Variants in NFATC2 observed in about 807,000 individuals in gnomAD.
NFATC2 encodes nuclear factor of activated T-cells, cytoplasmic 2.
Under a neutral mutation model 87.3 loss-of-function variants are expected in NFATC2, and 22 were observed. The ratio of observed to expected loss-of-function variants is 0.25; its 90% CI spans 0.18 to 0.36. The LOEUF (loss-of-function observed/expected upper bound fraction) is 0.36, where lower values mean the gene tolerates loss of function less well. Among genes scored for constraint, NFATC2 ranks in the 10% least tolerant of loss-of-function variants. The pLI, the probability that NFATC2 is intolerant of heterozygous loss-of-function variation, is 1.00. For synonymous variants in NFATC2, 565 were observed against 542.2 expected, an observed-to-expected ratio of 1.04 and a Z score of -0.58; for missense variants, 1,149 against 1,259.1, an observed-to-expected ratio of 0.91 and a Z score of 1.32.
intron 3 of NFATC2, among the ~76,000 whole-genome samples, chr20:51,505,139 G>A (rs1028042513): frequency 1.6e-4 from 23 of 147,226 alleles, no homozygotes; most frequent in African/African-American, 5.2e-4. Context: ...TCAGCCTCCC[G>A]AGTAGCTGGG....
intron 9 of NFATC2, among the ~76,000 whole-genome samples, chr20:51,416,896 G>T (rs1380114084): frequency 6.6e-6 from 1 of 152,166 alleles, no homozygotes; most frequent in East Asian, 1.9e-4. Flanking sequence ...CTTTAGCGCT[G>T]GTTGAATGTG....
At chr20:51,484,360 C>G (rs762741219) in intron 3 of NFATC2, among the ~76,000 whole-genome samples, 71 of 152,164 alleles carry the variant, frequency 4.7e-4, no homozygotes, top group Admixed American at 1.0e-3. Flanking sequence ...CTCCACACAC[C>G]CTGCCTTAAG....
intron 6 of NFATC2, among the ~76,000 whole-genome samples, chr20:51,438,093 CA>C (rs1336886433): frequency 6.6e-6 from 1 of 152,186 alleles, no homozygotes; most frequent in Admixed American, 6.5e-5. Flanking sequence ...TGAGTCCTTT[CA>C]GTGTGCAAAG....
At chr20:51,487,810 G>GA (rs11303169) in intron 3 of NFATC2, among the ~76,000 whole-genome samples, 26 of 146,550 alleles carry the variant, frequency 1.8e-4, no homozygotes, top group Middle Eastern at 3.5e-3. Flanking sequence ...CCACAAGGGG[G>GA]AAAAAAAAAA....
upstream of NFATC2, among the ~76,000 whole-genome samples, chr20:51,545,231 T>C (rs2076879519): frequency 6.6e-6 from 1 of 152,198 alleles, no homozygotes; most frequent in Non-Finnish European, 1.5e-5. Context: ...CTCCATCCCA[T>C]AATTATTAAG....
Position 51,389,972 on chromosome 20 carries a change from C to G in NFATC2, c.*1524G>C, listed in dbSNP as rs569666941. 2 of 152,246 alleles carry G rather than the reference C, an allele frequency of 1.3e-5. No homozygotes were observed. Among genetic ancestry groups the G allele is most frequent in the East Asian group, 1.9e-4 (1 of 5,182 alleles). 9.4% of individuals were successfully genotyped at this position (152,246 alleles called of 1,614,324 possible). A position where few individuals can be genotyped will look rare whatever the true frequency, so the allele number is the denominator to read the frequency against. On this transcript the variant is annotated 3_prime_UTR_variant, in exon 11 of 11. Transcript: ENST00000371564. ...CAACTGAATGGCTGAAAAATGAATCCCCCGCTTGTCCTGGGGTATCTGCAG... is the reference window on the plus strand; with the variant it reads ...CAACTGAATGGCTGAAAAATGAATCGCCCGCTTGTCCTGGGGTATCTGCAG...
Position 51,523,737 on chromosome 20 carries a change from G to A in NFATC2, c.504C>T (p.Ser168=), listed in dbSNP as rs781454795. The change falls in exon 2 of 11, where the codon AGC becomes AGT. Residue 168 remains serine, a synonymous_variant. Coordinates refer to ENST00000371564, the MANE Select transcript of NFATC2 (RefSeq NM_012340.5). This position sits in a 1 kb window ranked among gnomAD's most constrained non-coding sequence, Gnocchi z 6.9. Reference sequence around the variant, plus strand: ...TGGCAGAGGAGCCGCTGCTAGCGGGGCTCAAGCAAAGCGGCTCGCGGTAGC... The same window carrying A: ...TGGCAGAGGAGCCGCTGCTAGCGGGACTCAAGCAAAGCGGCTCGCGGTAGC... ...FEGYREPLCL[S]PASSGSSASF... 21 of 1,611,738 alleles carry A rather than the reference G, an allele frequency of 1.3e-5. No individual in the cohort carries two copies. In the East Asian group the frequency reaches 4.2e-4, roughly 33 times the overall value.
chr20:51,475,508 G>A lies in NFATC2; in HGVS notation c.1485C>T (p.Asn495=). 1 of 1,614,078 alleles carries A rather than the reference G, an allele frequency of 6.2e-7. No individual in the cohort carries two copies. Among genetic ancestry groups the A allele is most frequent in the Non-Finnish European group, 8.5e-7 (1 of 1,180,036 alleles). Reference sequence around the variant, plus strand: ...CCAAGGGTATCTCCAGGACTTTGGTGTTGCCCACTATCTTCTCATAGCTGG... The same window carrying A: ...CCAAGGGTATCTCCAGGACTTTGGTATTGCCCACTATCTTCTCATAGCTGG... ...TTTSYEKIVG[N]TKVLEIPLEP... Residue 495 remains asparagine (N), a synonymous_variant, in exon 4 of 11, where the codon AAC becomes AAT. Transcript: ENST00000371564.
intron 3 of NFATC2, among the ~76,000 whole-genome samples, chr20:51,502,269 T>C (rs1449731710): frequency 6.6e-6 from 1 of 152,196 alleles, no homozygotes; most frequent in Non-Finnish European, 1.5e-5. Flanking sequence ...TATTGCTGCA[T>C]TTTGACCATG....
intron 9 of NFATC2, among the ~76,000 whole-genome samples, chr20:51,406,570 C>T (rs1392258124): frequency 6.6e-6 from 1 of 152,218 alleles, no homozygotes; most frequent in East Asian, 1.9e-4. Flanking sequence ...AGAGGAATGA[C>T]TGGAGGCGCC....
At chr20:51,411,839 T>A (rs549640005) in intron 9 of NFATC2, among the ~76,000 whole-genome samples, 1 of 152,180 alleles carries the variant, frequency 6.6e-6, no homozygotes, top group Admixed American at 6.5e-5. Context: ...GAAGCAATGC[T>A]CTTTGACTTG....
intron 9 of NFATC2, 156 bp from the exon 10 acceptor site, chr20:51,398,886 T>C: frequency 1.6e-6 from 1 of 618,028 alleles, no homozygotes; most frequent in East Asian, 2.8e-5. Context: ...ATCTTAGCAT[T>C]TGTGCCAGAA....
chr20:51,389,595 G>A lies in NFATC2; in HGVS notation c.*1901C>T, dbSNP rs1231778929. The A allele has an allele frequency of 6.6e-6, 1 of 152,160 alleles. No homozygotes were observed. The highest frequency in any genetic ancestry group is 2.4e-5 in the African/African-American group (1 of 41,432). The allele number at this position is 152,160 out of a possible 1,614,324, so 9.4% of individuals were successfully genotyped here. A position where few individuals can be genotyped will look rare whatever the true frequency, so the allele number is the denominator to read the frequency against. The stretch of plus-strand genomic sequence containing the variant: ...TTCTGTTTATTTAAAAGAGAATTTT[G>A]CTAAACTCTTTGAGCTTAGGGTGGG... On this transcript the variant is annotated 3_prime_UTR_variant, in exon 11 of 11. Transcript: ENST00000371564.
intron 3 of NFATC2, among the ~76,000 whole-genome samples, chr20:51,476,024 G>A (rs1988677642): frequency 6.6e-6 from 1 of 151,342 alleles, no homozygotes; most frequent in East Asian, 1.9e-4. Context: ...GACAAACATA[G>A]AGCTCTTGAT....
At chr20:51,438,438 G>A (rs1045528099) in intron 6 of NFATC2, among the ~76,000 whole-genome samples, 36 of 75,154 alleles carry the variant, frequency 4.8e-4, no homozygotes, top group African/African-American at 1.7e-3. Context: ...ATATGAGCTT[G>A]CTTTGAAAAA....
At chr20:51,544,157 T>C (rs571650648), upstream of NFATC2, among the ~76,000 whole-genome samples, 1 of 151,824 alleles carries the variant, frequency 6.6e-6, no homozygotes, top group Admixed American at 6.6e-5. Flanking sequence ...CTGGCTACTT[T>C]TTTGTATTTT....
upstream of NFATC2, among the ~76,000 whole-genome samples, chr20:51,542,936 C>T (rs1044791854): frequency 1.3e-5 from 2 of 152,148 alleles, no homozygotes. Flanking sequence ...CGCTGTCTCC[C>T]ACCCTCCACG....
intron 6 of NFATC2, among the ~76,000 whole-genome samples, chr20:51,447,569 C>A: frequency 6.6e-6 from 1 of 152,234 alleles, no homozygotes. Flanking sequence ...CCCTTTCCCG[C>A]TGCCACATCA....
intron 3 of NFATC2, among the ~76,000 whole-genome samples, chr20:51,510,823 C>T (rs1468362180): frequency 5.9e-5 from 9 of 152,078 alleles, no homozygotes; most frequent in South Asian, 2.1e-4. Context: ...TACCTCGATC[C>T]GGCTGTTAAC....
Sources: gnomAD v4.1 joint callset for allele counts (sites outside exome capture counted in the v4.1 genomes callset) on GRCh38, gnomAD v4.1.1 for gene constraint, Gnocchi (gnomAD v3.1) non-coding constraint, MANE v1.5 for transcripts, NCBI Gene and HGNC (gene_info 2026-07-23, HGNC 2026-07-21) for gene names.